CACNB4: variants seen among roughly 807,000 people sequenced by gnomAD.
CACNB4 encodes voltage-dependent L-type calcium channel subunit beta-4.
A neutral mutation model predicts 71.2 loss-of-function variants in CACNB4; 32 were observed. The ratio of observed to expected loss-of-function variants is 0.45; its 90% CI spans 0.34 to 0.60. The LOEUF is 0.60. Among genes scored for constraint, CACNB4 ranks in the 20% least tolerant of loss-of-function variants. The probability of loss-of-function intolerance (pLI) is 0.01; values close to 1 mark genes in which losing one functional copy is unlikely to be tolerated. For synonymous variants in CACNB4, 231 were observed against 236.9 expected (o/e 0.97, Z 0.23); for missense variants, 464 against 647.9 (o/e 0.72, Z 3.08).
chr2:152,009,809 C>G (rs1879137), intron 2 of CACNB4, among the ~76,000 whole-genome samples: 108 of 152,240 alleles, frequency 7.1e-4, no homozygotes, highest in African/African-American at 2.5e-3. Flanking sequence ...CCTCCCTCTG[C>G]GGGGACAGGC....
In CACNB4 at chr2:152,098,375, T is replaced by C; in HGVS notation, c.102A>G (p.Lys34=). The change falls in exon 2 of 14, where the codon AAA becomes AAG. Residue 34 remains lysine, a synonymous_variant. Transcript: ENST00000539935. This position sits in a 1 kb window ranked among gnomAD's most constrained non-coding sequence, Gnocchi z 5.3. The stretch of plus-strand genomic sequence containing the variant: ...TCGAAGTGGTGCTGCCATCGGATCT[T>C]TTCAACCTGCTCCTCCGGGTTGTGG... ...RGTTTRRSRL[K]RSDGSTTSTS... is the part of the protein sequence containing the mutation. 1 of 1,613,766 alleles carries C rather than the reference T, an allele frequency of 6.2e-7. No individual in the cohort carries two copies. The highest frequency in any genetic ancestry group is 1.1e-5 in the South Asian group (1 of 91,074).
At chr2:151,997,073 G>A (rs189600272) in intron 2 of CACNB4, among the ~76,000 whole-genome samples, 1 of 152,306 alleles carries the variant, frequency 6.6e-6, no homozygotes, top group Admixed American at 6.5e-5. Context: ...GTAGTGAGCT[G>A]AGTGATGACC....
At chr2:151,977,427 G>A (rs1488057025) in intron 2 of CACNB4, among the ~76,000 whole-genome samples, 1 of 152,172 alleles carries the variant, frequency 6.6e-6, no homozygotes, top group African/African-American at 2.4e-5. Context: ...GCTCTATTTT[G>A]TATCACAAGG....
At chr2:151,960,493 T>C (rs1315729940) in intron 2 of CACNB4, among the ~76,000 whole-genome samples, 1 of 152,140 alleles carries the variant, frequency 6.6e-6, no homozygotes, top group East Asian at 1.9e-4. Flanking sequence ...AGGGGAGGTA[T>C]CTGCTGGCTG....
chr2:151,930,364 A>T (rs1009386961), intron 2 of CACNB4, among the ~76,000 whole-genome samples: 1 of 152,206 alleles, frequency 6.6e-6, no homozygotes, highest in Admixed American at 6.5e-5. Context: ...GGGTAAAAAA[A>T]TTAAACTAAA....
chr2:151,921,879 C>T (rs1431168795), intron 2 of CACNB4, among the ~76,000 whole-genome samples: 1 of 152,198 alleles, frequency 6.6e-6, no homozygotes, highest in African/African-American at 2.4e-5. Context: ...CCTCCCCTTC[C>T]CCTTCGCCTT....
chr2:152,047,052 C>A (rs1214388639), intron 2 of CACNB4, among the ~76,000 whole-genome samples: 2 of 152,146 alleles, frequency 1.3e-5, no homozygotes, highest in Non-Finnish European at 1.5e-5. Context: ...AAGGGAAATT[C>A]TGGGTACCTA....
chr2:152,018,851 C>T lies in CACNB4; in HGVS notation c.147+79479G>A, dbSNP rs1294996700. Among the ~76,000 whole-genome samples, 3 of 119,554 alleles carry T rather than the reference C, an allele frequency of 2.5e-5. No homozygotes were observed. In the Admixed American group the frequency reaches 2.7e-4, roughly 11 times the overall value. 78.4% of individuals were successfully genotyped at this position (119,554 alleles called of 152,430 possible). ...CACACACACACACAGACAAAGGTAT[C>T]AAATATTTGAGGAAACTTTCCATTT... On this transcript the variant is annotated intron_variant, in intron 2 of 13. Transcript: ENST00000539935.
At chr2:151,910,651 G>C (rs1053931538) in intron 2 of CACNB4, among the ~76,000 whole-genome samples, 3 of 151,944 alleles carry the variant, frequency 2.0e-5, no homozygotes, top group Non-Finnish European at 4.4e-5. Flanking sequence ...TGCCCCATTA[G>C]TCTATACGTC....
intron 2 of CACNB4, among the ~76,000 whole-genome samples, chr2:152,062,637 G>A (rs1333886245): frequency 2.0e-5 from 3 of 151,976 alleles, no homozygotes; most frequent in Non-Finnish European, 4.4e-5. Context: ...AGCTCTTCAC[G>A]GAGCACTGAA....
In CACNB4 at chr2:151,872,760, G is replaced by A. The variant is rs117489772; in HGVS notation, c.522-267C>T. On this transcript the variant is annotated intron_variant, in intron 5 of 13. Transcript: ENST00000539935. ...GAAATCAGACAAAACCATCACTGAC[G>A]GGAATGGTCTTATGAACTGCTTGTT... is the stretch of plus-strand genomic sequence containing the variant. 145 of 289,372 alleles carry A rather than the reference G, an allele frequency of 5.0e-4. 1 individual carries two copies. The East Asian group carries it at 0.012, about 23-fold the overall frequency. 17.9% of individuals were successfully genotyped at this position (289,372 alleles called of 1,614,324 possible).
At chr2:151,869,404 G>C in intron 8 of CACNB4, 169 bp from the exon 9 acceptor site, 2 of 553,116 alleles carry the variant, frequency 3.6e-6, no homozygotes, top group Non-Finnish European at 6.6e-6. Flanking sequence ...GCTTAACCAT[G>C]TGCAATTGCT....
At chr2:151,839,681 A>C (rs2099835666) in intron 13 of CACNB4, among the ~76,000 whole-genome samples, 1 of 152,218 alleles carries the variant, frequency 6.6e-6, no homozygotes, top group Non-Finnish European at 1.5e-5. Context: ...ATATTTAGGA[A>C]GTTCTAATAA....
At chr2:152,049,393 T>G (rs900123500) in intron 2 of CACNB4, among the ~76,000 whole-genome samples, 24 of 152,036 alleles carry the variant, frequency 1.6e-4, no homozygotes, top group Non-Finnish European at 1.9e-4. Flanking sequence ...TCAAGTGATG[T>G]GCCCGCCTCA....
intron 5 of CACNB4, among the ~76,000 whole-genome samples, chr2:151,875,684 C>T (rs1196848139): frequency 7.6e-4 from 23 of 30,344 alleles, no homozygotes; most frequent in East Asian, 6.1e-3. Flanking sequence ...GACCCCCCCA[C>T]CTCCCTCCCG....
At chr2:152,034,562 C>T (rs1684458327) in intron 2 of CACNB4, among the ~76,000 whole-genome samples, 1 of 152,206 alleles carries the variant, frequency 6.6e-6, no homozygotes, top group South Asian at 2.1e-4. Context: ...GCAGAAAATC[C>T]CCCATCATGA....
intron 12 of CACNB4, chr2:151,850,738 C>T (rs13424831): frequency 0.11 from 16,261 of 152,196 alleles, 1,023 homozygotes; most frequent in African/African-American, 0.16. Flanking sequence ...ATAAAATACA[C>T]ATTGGCATAT....
intron 9 of CACNB4, chr2:151,861,814 G>A (rs1448829205): frequency 7.6e-6 from 1 of 130,772 alleles, no homozygotes; most frequent in Non-Finnish European, 1.5e-5. Flanking sequence ...CTGCACTCCA[G>A]CCTGGGAGAC....
chr2:152,025,709 CAG>C (rs1281885731), intron 2 of CACNB4, among the ~76,000 whole-genome samples: 1 of 152,226 alleles, frequency 6.6e-6, no homozygotes, highest in Non-Finnish European at 1.5e-5. Flanking sequence ...GCCACTGTTT[CAG>C]TCATCAAAAT....
Sources: allele counts gnomAD v4.1 joint callset (sites outside exome capture counted in the v4.1 genomes callset), GRCh38; gene constraint gnomAD v4.1.1; non-coding constraint Gnocchi (gnomAD v3.1); transcripts MANE v1.5; gene names NCBI Gene and HGNC (gene_info 2026-07-23, HGNC 2026-07-21).